TTC7A: variants seen among roughly 807,000 people sequenced by gnomAD.
TTC7A encodes the protein tetratricopeptide repeat protein 7A.
Under a neutral mutation model 103.7 loss-of-function variants are expected in TTC7A, and 110 were observed. The observed-to-expected ratio is 1.06, with a 90% CI of 0.91 to 1.24. The LOEUF (loss-of-function observed/expected upper bound fraction) is 1.24, where lower values mean the gene tolerates loss of function less well. TTC7A is among the 50% of genes most tolerant of loss of function. The pLI is 0.00. For synonymous variants in TTC7A, 521 were observed against 467.9 expected (o/e 1.11, Z -1.47); for missense variants, 1,340 against 1,116.3 (o/e 1.20, Z -2.86).
intron 12 of TTC7A, among the ~76,000 whole-genome samples, chr2:47,022,467 C>G (rs191600873): frequency 3.3e-5 from 5 of 152,194 alleles, no homozygotes; most frequent in African/African-American, 9.6e-5. Context: ...TACTTGTGCT[C>G]GGCTAATGGA....
intron 2 of TTC7A, among the ~76,000 whole-genome samples, chr2:46,924,619 A>G (rs1354945688): frequency 6.6e-6 from 1 of 151,952 alleles, no homozygotes; most frequent in Non-Finnish European, 1.5e-5. Flanking sequence ...TATTCATTGG[A>G]TATTTTCTTT....
At chr2:46,925,683 C>T (rs1669350472) in intron 2 of TTC7A, among the ~76,000 whole-genome samples, 1 of 152,136 alleles carries the variant, frequency 6.6e-6, no homozygotes, top group African/African-American at 2.4e-5. Context: ...CCCCTGCCAC[C>T]TCCCCCAAAA....
At chr2:47,012,087 A>T (rs1391727555) in intron 11 of TTC7A, among the ~76,000 whole-genome samples, 2 of 152,198 alleles carry the variant, frequency 1.3e-5, no homozygotes, top group African/African-American at 4.8e-5. Context: ...GTGAAGGAGA[A>T]CAGTGCCAGG....
chr2:46,938,696 G>A (rs1423488391), upstream of TTC7A, among the ~76,000 whole-genome samples: 1 of 152,136 alleles, frequency 6.6e-6, no homozygotes, highest in Non-Finnish European at 1.5e-5. Flanking sequence ...GCCCTGTGTG[G>A]TGGGTGGTTC....
At chr2:47,047,813 C>T (rs1682479879) in intron 16 of TTC7A, among the ~76,000 whole-genome samples, 1 of 152,210 alleles carries the variant, frequency 6.6e-6, no homozygotes, top group Non-Finnish European at 1.5e-5. Context: ...AGCCCCTAAG[C>T]ACCTCTCCTT....
Position 46,941,724 on chromosome 2 carries a change from C to G in TTC7A, c.183C>G (p.Thr61=). The G allele has an allele frequency of 1.3e-6, 2 of 1,549,826 alleles. No homozygotes were observed. The highest frequency in any genetic ancestry group is 1.7e-6 in the Non-Finnish European group (2 of 1,146,920). Residue 61 remains threonine, a splice_region_variant and synonymous_variant, in exon 1 of 20, where the codon ACC becomes ACG. Transcript: ENST00000319190. This position sits in a 1 kb window ranked among gnomAD's most constrained non-coding sequence, Gnocchi z 4.2. The part of the protein sequence containing the change: ...SPSAAFTFPD[T]DDFGKLLLAE... Reference sequence around the variant, plus strand: ...GCGCAGCGTTCACCTTTCCGGACACCGGTGAGTAAGGGAAGAGGCTGGCTC... The same window carrying G: ...GCGCAGCGTTCACCTTTCCGGACACGGGTGAGTAAGGGAAGAGGCTGGCTC...
chr2:47,011,759 G>A (rs1040961183), intron 11 of TTC7A, among the ~76,000 whole-genome samples: 11 of 152,256 alleles, frequency 7.2e-5, no homozygotes, highest in Admixed American at 5.2e-4. Context: ...ACCTGGACCA[G>A]CCTCATCATT....
At chr2:46,966,479 A>G (rs1010502546) in intron 3 of TTC7A, among the ~76,000 whole-genome samples, 5 of 152,094 alleles carry the variant, frequency 3.3e-5, no homozygotes, top group East Asian at 1.9e-4. Flanking sequence ...AAAGTATTTC[A>G]TGAGTCATTT....
At chr2:47,014,813 A>C (rs1265334223) in intron 11 of TTC7A, among the ~76,000 whole-genome samples, 2 of 152,252 alleles carry the variant, frequency 1.3e-5, no homozygotes, top group African/African-American at 4.8e-5. Flanking sequence ...GGACATTTGG[A>C]AAACGAGTTG....
intron 15 of TTC7A, among the ~76,000 whole-genome samples, chr2:47,036,157 GTGT>G (rs1472791321): frequency 1.3e-5 from 2 of 152,222 alleles, no homozygotes; most frequent in Non-Finnish European, 2.9e-5. Flanking sequence ...GAGGCCAGTT[GTGT>G]CAGCCCAGAA....
chr2:47,051,888 C>T lies in TTC7A; in HGVS notation c.2152+8C>T, dbSNP rs570803123. 1.9e-6 allele frequency: 3 copies of T among 1,603,690 alleles called. No homozygotes were observed. The highest frequency in any genetic ancestry group is 4.5e-5 in the East Asian group (2 of 44,576). ...AGATCTGGCTGCAGGCTGGTGAGTG[C>T]CCTGGTCCCAGTGACACACACAGCC... On this transcript the variant is annotated splice_region_variant and intron_variant, in intron 18 of 19. Coordinates refer to ENST00000319190, the MANE Select transcript of TTC7A (RefSeq NM_020458.4).
intron 1 of TTC7A, among the ~76,000 whole-genome samples, chr2:46,943,363 A>G (rs1263832386): frequency 6.6e-6 from 1 of 152,166 alleles, no homozygotes; most frequent in Non-Finnish European, 1.5e-5. Flanking sequence ...CAAGTCTCCT[A>G]GTGTCAGAGT....
At chr2:47,014,871 C>G (rs1348246080) in intron 11 of TTC7A, among the ~76,000 whole-genome samples, 2 of 152,252 alleles carry the variant, frequency 1.3e-5, no homozygotes, top group African/African-American at 4.8e-5. Context: ...AGGCGGAGCA[C>G]CTGCTCTTCC....
In TTC7A at chr2:46,934,787, C is replaced by CTTTTTTTT. The variant is rs1161003607; in HGVS notation, c.83-15551_83-15544dup. Among the ~76,000 whole-genome samples, 19 of 66,916 alleles carry CTTTTTTTT rather than the reference C, an allele frequency of 2.8e-4. 2 individuals are homozygous for CTTTTTTTT. The highest frequency in any genetic ancestry group is 3.8e-4 in the Non-Finnish European group (14 of 37,308). 43.9% of individuals were successfully genotyped at this position (66,916 alleles called of 152,430 possible). A position where few individuals can be genotyped will look rare whatever the true frequency, so the allele number is the denominator to read the frequency against. Reference sequence around the variant, plus strand: ...GGAATAAGGTATGAAGACTACTGCTCTTTTTTTTTTTTTTTTTTTTTTTTT... The same window carrying CTTTTTTTT: ...GGAATAAGGTATGAAGACTACTGCTCTTTTTTTTTTTTTTTTTTTTTTTTTTTTTTTTT... On this transcript the variant is annotated intron_variant, in intron 2 of 20. Coordinates refer to the TTC7A transcript ENST00000409245.
Position 46,941,752 on chromosome 2 carries a change from C to T in TTC7A, c.184+27C>T. The T allele has an allele frequency of 6.5e-7, 1 of 1,547,172 alleles. No homozygotes were observed. Among genetic ancestry groups the T allele is most frequent in the Non-Finnish European group, 8.7e-7 (1 of 1,145,708 alleles). ...TGAGTAAGGGAAGAGGCTGGCTCGC[C>T]GGCAGCGAGCGCGCGAAACGCACCG... On this transcript the variant is annotated intron_variant, in intron 1 of 19. Transcript: ENST00000319190. This position sits in a 1 kb window ranked among gnomAD's most constrained non-coding sequence, Gnocchi z 4.2.
At chr2:47,016,716 C>A (rs2104516677) in intron 11 of TTC7A, among the ~76,000 whole-genome samples, 1 of 152,330 alleles carries the variant, frequency 6.6e-6, no homozygotes, top group East Asian at 1.9e-4. Flanking sequence ...ACAGAGCCAC[C>A]AGCTGTTAAC....
At position 47,049,982 on chromosome 2, in the gene TTC7A, C is replaced by T. The variant is rs1682709750; in HGVS notation, c.1953C>T (p.Gly651=). Residue 651 remains glycine (G), a synonymous_variant, in exon 17 of 20, where the codon GGC becomes GGT. Coordinates refer to ENST00000319190, the MANE Select transcript of TTC7A (RefSeq NM_020458.4). The part of the protein sequence containing the change: ...GLEKDGSFGE[G]LTMKKQSGMH... ...AAAAGGATGGCAGCTTCGGTGAGGG[C>T]CTCACCATGAAGAAGCAGAGTGGCA... The T allele has an allele frequency of 6.2e-7, 1 of 1,614,060 alleles. No individual in the cohort carries two copies. The highest frequency in any genetic ancestry group is 1.7e-5 in the Admixed American group (1 of 60,010).
chr2:47,004,621 CAG>C (rs936515676), intron 8 of TTC7A, among the ~76,000 whole-genome samples: 4 of 152,002 alleles, frequency 2.6e-5, no homozygotes, highest in African/African-American at 9.7e-5. Flanking sequence ...GAGGCTCAGA[CAG>C]AGGGAGGGAG....
intron 18 of TTC7A, among the ~76,000 whole-genome samples, chr2:47,056,782 A>AG (rs1491236181): frequency 6.6e-6 from 1 of 152,116 alleles, no homozygotes; most frequent in Non-Finnish European, 1.5e-5. Context: ...AGAAGAGGTC[A>AG]GGGGGTAGGC....
Sources: allele counts gnomAD v4.1 joint callset (sites outside exome capture counted in the v4.1 genomes callset), GRCh38; gene constraint gnomAD v4.1.1; non-coding constraint Gnocchi (gnomAD v3.1); transcripts MANE v1.5; gene names NCBI Gene and HGNC (gene_info 2026-07-23, HGNC 2026-07-21).